Variants in SIPA1L3 observed in about 807,000 individuals in gnomAD.
The protein encoded by SIPA1L3 is signal-induced proliferation-associated 1-like protein 3.
In SIPA1L3, 59 loss-of-function variants were observed where a neutral mutation model predicts 150.1. The ratio of observed to expected loss-of-function variants is 0.39; its 90% CI spans 0.32 to 0.49. The LOEUF (loss-of-function observed/expected upper bound fraction) is 0.49, where lower values mean the gene tolerates loss of function less well. SIPA1L3 is among the 20% of genes least tolerant of loss of function. The pLI, the probability that SIPA1L3 is intolerant of heterozygous loss-of-function variation, is 0.86. For missense variants in SIPA1L3, 2,211 were observed against 2,489.5 expected, an observed-to-expected ratio of 0.89 and a Z score of 2.38; for synonymous variants, 1,070 against 1,077.6, an observed-to-expected ratio of 0.99 and a Z score of 0.14.
intron 16 of SIPA1L3, among the ~76,000 whole-genome samples, chr19:38,189,658 C>G (rs1054527781): frequency 6.6e-6 from 1 of 151,990 alleles, no homozygotes; most frequent in African/African-American, 2.4e-5. Flanking sequence ...CCCAGCTACT[C>G]GGGAAGCTGA....
intron 1 of SIPA1L3, among the ~76,000 whole-genome samples, chr19:37,915,426 C>T (rs943808590): frequency 2.6e-5 from 4 of 151,814 alleles, no homozygotes; most frequent in East Asian, 1.9e-4. Flanking sequence ...CTGTTGCCCA[C>T]GCTGGAGTGC....
At position 38,082,155 on chromosome 19, in the gene SIPA1L3, C is replaced by A. The variant is rs1970003982; in HGVS notation, c.590C>A (p.Pro197His). Residue 197 changes from proline to histidine, a missense_variant, in exon 3 of 22, where the codon CCC becomes CAC. Transcript: ENST00000222345. The part of the protein sequence containing the change: ...PRGARHTGAL[P>H]LFREYGSTSS... ...GGGGCCCGGCACACGGGGGCGCTGC[C>A]CCTCTTCCGCGAGTACGGGAGCACC... 6.2e-7 allele frequency: 1 copy of A among 1,605,638 alleles called. No individual in the cohort carries two copies. The highest frequency in any genetic ancestry group is 1.7e-5 in the Admixed American group (1 of 59,986).
intron 6 of SIPA1L3, among the ~76,000 whole-genome samples, chr19:38,103,226 C>T (rs1970547410): frequency 6.6e-6 from 1 of 151,756 alleles, no homozygotes; most frequent in Non-Finnish European, 1.5e-5. Flanking sequence ...GGAAACGGTG[C>T]TCACGTTAGA....
At chr19:38,051,551 C>T (rs1969197603) in intron 2 of SIPA1L3, among the ~76,000 whole-genome samples, 3 of 152,146 alleles carry the variant, frequency 2.0e-5, no homozygotes, top group African/African-American at 7.2e-5. Context: ...TCCCCACCAA[C>T]AGAATACAGA....
rs888703348 is a variant in SIPA1L3 at position 38,208,195 on chromosome 19, G to C, written c.*1955G>C. 6.6e-6 allele frequency: 1 copy of C among 151,386 alleles called. No homozygotes were observed. The highest frequency in any genetic ancestry group is 1.5e-5 in the Non-Finnish European group (1 of 67,808). 9.4% of individuals were successfully genotyped at this position (151,386 alleles called of 1,614,324 possible). ...AAACAGATCTATTTAATTTGAGGTTGATGTTCTATCCAATGGCCGAAGATA... is the reference window on the plus strand; with the variant it reads ...AAACAGATCTATTTAATTTGAGGTTCATGTTCTATCCAATGGCCGAAGATA... On this transcript the variant is annotated 3_prime_UTR_variant, in exon 22 of 22. Coordinates refer to ENST00000222345, the MANE Select transcript of SIPA1L3 (RefSeq NM_015073.3).
intron 2 of SIPA1L3, among the ~76,000 whole-genome samples, chr19:38,029,937 C>T (rs1282931784): frequency 6.6e-6 from 1 of 151,876 alleles, no homozygotes; most frequent in Non-Finnish European, 1.5e-5. Context: ...TCACTGCAAC[C>T]TCCACCTCCC....
chr19:38,106,491 C>G (rs1407869578), intron 6 of SIPA1L3, 46 bp from the exon 7 acceptor site: 4 of 1,342,318 alleles, frequency 3.0e-6, no homozygotes, highest in Non-Finnish European at 4.3e-6. Flanking sequence ...ATGGCAAAAA[C>G]CCAGAGGTTT....
chr19:38,017,607 C>G (rs1968268449), intron 1 of SIPA1L3, among the ~76,000 whole-genome samples: 1 of 150,966 alleles, frequency 6.6e-6, no homozygotes, highest in Non-Finnish European at 1.5e-5. Flanking sequence ...TTACTGCAGT[C>G]TCGAACTCCT....
intron 1 of SIPA1L3, among the ~76,000 whole-genome samples, chr19:37,969,609 A>G (rs1001795604): frequency 1.3e-5 from 2 of 152,170 alleles, no homozygotes; most frequent in Admixed American, 1.3e-4. Context: ...ATCATGGCTT[A>G]TAAGGTCCCC....
chr19:38,176,424 G>A (rs1271482672), intron 15 of SIPA1L3, among the ~76,000 whole-genome samples: 1 of 148,662 alleles, frequency 6.7e-6, no homozygotes, highest in African/African-American at 2.5e-5. Flanking sequence ...TTTGAGTGAT[G>A]GGGACTCTGT....
At chr19:38,112,291 C>G (rs1036565496) in intron 8 of SIPA1L3, among the ~76,000 whole-genome samples, 1 of 151,946 alleles carries the variant, frequency 6.6e-6, no homozygotes, top group Non-Finnish European at 1.5e-5. Context: ...CACATATGCA[C>G]ACATACATGC....
chr19:38,162,142 A>T, intron 13 of SIPA1L3, 111 bp from the exon 14 acceptor site: 1 of 783,366 alleles, frequency 1.3e-6, no homozygotes, highest in Admixed American at 1.9e-5. Context: ...CAAGGTGTAA[A>T]TTGATGGGGT....
At chr19:38,160,117 TTCTCCTACC>T (rs1165323104) in intron 13 of SIPA1L3, among the ~76,000 whole-genome samples, 1 of 151,930 alleles carries the variant, frequency 6.6e-6, no homozygotes, top group East Asian at 1.9e-4. Flanking sequence ...GTTCAAGCAA[TTCTCCTACC>T]TCAGCCTCCC....
intron 4 of SIPA1L3, among the ~76,000 whole-genome samples, chr19:38,092,449 T>C (rs114558456): frequency 6.6e-6 from 1 of 152,252 alleles, no homozygotes; most frequent in African/African-American, 2.4e-5. Flanking sequence ...GTTATATAAT[T>C]TTTTGCTGTG....
chr19:37,930,664 A>C (rs2046545567), intron 1 of SIPA1L3, among the ~76,000 whole-genome samples: 1 of 152,090 alleles, frequency 6.6e-6, no homozygotes, highest in South Asian at 2.1e-4. Context: ...TGCTGAGTGC[A>C]AGTTCTTGAT....
chr19:38,153,768 T>C (rs1971881209), intron 13 of SIPA1L3, among the ~76,000 whole-genome samples: 1 of 151,372 alleles, frequency 6.6e-6, no homozygotes, highest in African/African-American at 2.4e-5. Context: ...ACCCTGTCTC[T>C]ACTAAAAATA....
intron 1 of SIPA1L3, among the ~76,000 whole-genome samples, chr19:37,971,132 T>TTTGTTTG (rs1568484127): frequency 2.6e-5 from 4 of 152,062 alleles, no homozygotes; most frequent in African/African-American, 7.2e-5. Flanking sequence ...CCATGCTTTT[T>TTTGTTTG]TTTGTTTGTT....
At chr19:38,113,617 A>C (rs567686519) in intron 8 of SIPA1L3, among the ~76,000 whole-genome samples, 21 of 151,842 alleles carry the variant, frequency 1.4e-4, no homozygotes, top group Admixed American at 2.0e-4. Flanking sequence ...AAAAAAAAAA[A>C]CCAAAAAAAA....
intron 8 of SIPA1L3, among the ~76,000 whole-genome samples, chr19:38,111,566 G>T (rs886264670): frequency 6.6e-6 from 1 of 152,194 alleles, no homozygotes; most frequent in African/African-American, 2.4e-5. Flanking sequence ...TGCACCAGTA[G>T]TCACCGCGAA....
Sources: allele counts gnomAD v4.1 joint callset (sites outside exome capture counted in the v4.1 genomes callset), GRCh38; gene constraint gnomAD v4.1.1; transcripts MANE v1.5; gene names NCBI Gene and HGNC (gene_info 2026-07-23, HGNC 2026-07-21).